The following MXI1 variants were observed in gnomAD, a reference collection of about 807,000 sequenced individuals.
MXI1 encodes max-interacting protein 1.
In MXI1, 18 loss-of-function variants were observed where a neutral mutation model predicts 36.9. That is an observed-to-expected ratio of 0.49 (90% CI 0.34 to 0.72). The LOEUF is 0.72. MXI1 is among the 30% of genes least tolerant of loss of function. The pLI is 0.01. For synonymous variants in MXI1, 160 were observed against 146.7 expected (o/e 1.09, Z -0.65); for missense variants, 304 against 379.1 (o/e 0.80, Z 1.64).
intron 1 of MXI1, among the ~76,000 whole-genome samples, chr10:110,214,073 A>G (rs1438080468): frequency 6.6e-6 from 1 of 152,226 alleles, no homozygotes. Flanking sequence ...CAAAGGATAT[A>G]TAGCTAGTAA....
At chr10:110,282,567 A>T (rs1471621679) in intron 5 of MXI1, among the ~76,000 whole-genome samples, 1 of 152,182 alleles carries the variant, frequency 6.6e-6, no homozygotes, top group Non-Finnish European at 1.5e-5. Flanking sequence ...TTTAGGTTTT[A>T]GCTGTCCTTC....
In MXI1 at chr10:110,280,003, G is replaced by A; in HGVS notation, c.642G>A (p.Leu214=). 1 of 1,613,408 alleles carries A rather than the reference G, an allele frequency of 6.2e-7. No homozygotes were observed. The highest frequency in any genetic ancestry group is 2.2e-5 in the East Asian group (1 of 44,868). The change falls in exon 5 of 6, where the codon CTG becomes CTA. Residue 214 remains leucine (L), a synonymous_variant. Coordinates refer to ENST00000332674, the MANE Select transcript of MXI1 (RefSeq NM_130439.3). ...TTTTAAAGTGGCGACTGGAACAGCT[G>A]CAGGGTCCTCAGGAGATGGAACGAA... ...QRFLKWRLEQ[L]QGPQEMERIR...
intron 1 of MXI1, among the ~76,000 whole-genome samples, chr10:110,208,747 C>CCA (rs1854427999): frequency 6.7e-6 from 1 of 148,608 alleles, no homozygotes; most frequent in African/African-American, 2.5e-5. Context: ...GCCGCCCCCC[C>CCA]CCCCCCAAAG....
At chr10:110,253,326 G>A (rs1439023872) in intron 3 of MXI1, among the ~76,000 whole-genome samples, 1 of 151,830 alleles carries the variant, frequency 6.6e-6, no homozygotes, top group Non-Finnish European at 1.5e-5. Context: ...GATGGTTTTG[G>A]TCTGCCTTAT....
intron 1 of MXI1, among the ~76,000 whole-genome samples, chr10:110,222,032 G>C (rs1854825204): frequency 1.3e-5 from 2 of 152,184 alleles, no homozygotes; most frequent in Admixed American, 6.5e-5. Context: ...GACTTGAGGA[G>C]AGCTTACGCA....
chr10:110,256,251 T>C (rs2134418346), intron 3 of MXI1, among the ~76,000 whole-genome samples: 1 of 152,020 alleles, frequency 6.6e-6, no homozygotes, highest in South Asian at 2.1e-4. Flanking sequence ...TAGGCATTGG[T>C]TTTTTACATA....
chr10:110,228,889 C>G (rs1279423154), intron 2 of MXI1, among the ~76,000 whole-genome samples: 1 of 152,126 alleles, frequency 6.6e-6, no homozygotes. Flanking sequence ...GTTTATCTTT[C>G]AAGCAGAATA....
chr10:110,207,994 G>A lies in MXI1; in HGVS notation c.186G>A (p.Met62Ile). Residue 62 changes from methionine (M) to isoleucine (I), a missense_variant, in exon 1 of 6, where the codon ATG becomes ATA. Around this residue, in one of 2 missense-constraint regions of MXI1, gnomAD observed 179 missense variants for 184.8 expected, o/e 0.97. Transcript: ENST00000332674. ...TTTTCAACACCAGCGAGAACTCGAT[G>A]GAGAAGCACATCAACACTTTTCTGC... is the stretch of plus-strand genomic sequence containing the variant. ...SDIFNTSENS[M>I]EKHINTFLQN... 6.2e-7 allele frequency: 1 copy of A among 1,603,278 alleles called. No homozygotes were observed.
chr10:110,285,529 T>A lies in MXI1; in HGVS notation c.*542T>A, dbSNP rs1857408471. On this transcript the variant is annotated 3_prime_UTR_variant, in exon 6 of 6. Transcript: ENST00000332674. ...GTGGATGATCAATCCTTTATTATTA[T>A]TTTTTTTTTTTGAAAAAAGCTCATT... 1 of 46,040 alleles carries A rather than the reference T, an allele frequency of 2.2e-5. No individual in the cohort carries two copies. Among genetic ancestry groups the A allele is most frequent in the African/African-American group, 4.0e-5 (1 of 25,096 alleles). The allele number at this position is 46,040 out of a possible 1,614,324, so 2.9% of individuals were successfully genotyped here.
intron 1 of MXI1, among the ~76,000 whole-genome samples, chr10:110,212,042 A>G (rs923789728): frequency 6.6e-6 from 1 of 152,250 alleles, no homozygotes; most frequent in Non-Finnish European, 1.5e-5. Flanking sequence ...TGTTATGTGC[A>G]TAAGAGCCGA....
intron 2 of MXI1, among the ~76,000 whole-genome samples, chr10:110,230,341 G>T (rs780033011): frequency 6.6e-6 from 1 of 152,174 alleles, no homozygotes; most frequent in Admixed American, 6.5e-5. Flanking sequence ...GGACCACAGT[G>T]CTAATTACTG....
intron 5 of MXI1, 29 bp downstream of exon 5, chr10:110,280,114 A>AT: frequency 6.5e-7 from 1 of 1,544,606 alleles, no homozygotes; most frequent in Non-Finnish European, 8.7e-7. Context: ...CTCTAATGAA[A>AT]TACTAAACAT....
At chr10:110,250,967 T>C (rs1239224652) in intron 3 of MXI1, among the ~76,000 whole-genome samples, 2 of 126,258 alleles carry the variant, frequency 1.6e-5, no homozygotes, top group East Asian at 2.1e-4. Flanking sequence ...ATTATAACTT[T>C]GGCAAAGCTA....
chr10:110,255,672 A>G (rs1206843208), intron 3 of MXI1, among the ~76,000 whole-genome samples: 1 of 152,332 alleles, frequency 6.6e-6, no homozygotes, highest in Admixed American at 6.5e-5. Context: ...ATTAAGGAAG[A>G]CCTAAATAGA....
chr10:110,245,001 T>C, intron 3 of MXI1, 144 bp downstream of exon 3: 1 of 735,796 alleles, frequency 1.4e-6, no homozygotes, highest in Non-Finnish European at 2.1e-6. Context: ...TATATATGTA[T>C]TTTCTCCAAA....
At position 110,258,398 on chromosome 10, in the gene MXI1, A is replaced by T. The variant is rs145087689; in HGVS notation, c.437+13541A>T. Among the ~76,000 whole-genome samples, 568 of 152,186 alleles carry T rather than the reference A, an allele frequency of 3.7e-3. 4 individuals are homozygous for T. The highest frequency in any genetic ancestry group is 0.013 in the African/African-American group (538 of 41,508). ...ACTTATGTCTTGGAAAGTAGGGGCC[A>T]CTCATTTAATTGAATTTTCTTATGA... On this transcript the variant is annotated intron_variant, in intron 3 of 5. Coordinates refer to ENST00000332674, the MANE Select transcript of MXI1 (RefSeq NM_130439.3).
intron 5 of MXI1, among the ~76,000 whole-genome samples, chr10:110,283,967 T>C (rs1857353187): frequency 6.6e-6 from 1 of 151,432 alleles, no homozygotes; most frequent in Non-Finnish European, 1.5e-5. Flanking sequence ...TTGTTGTGTT[T>C]TTTTTGGTAG....
At chr10:110,274,900 A>C (rs1195330482) in intron 3 of MXI1, among the ~76,000 whole-genome samples, 1 of 101,686 alleles carries the variant, frequency 9.8e-6, no homozygotes, top group African/African-American at 4.2e-5. Context: ...TTTTTGGTGG[A>C]GTCTCACACT....
intron 5 of MXI1, among the ~76,000 whole-genome samples, chr10:110,284,423 C>T (rs1394392329): frequency 1.3e-5 from 2 of 152,150 alleles, no homozygotes; most frequent in Admixed American, 1.3e-4. Context: ...AGTTTATGCT[C>T]CTGCCCACCC....
Sources: allele counts gnomAD v4.1 joint callset (sites outside exome capture counted in the v4.1 genomes callset), GRCh38; gene constraint gnomAD v4.1.1; regional missense constraint gnomAD v4.1.1; transcripts MANE v1.5; gene names NCBI Gene and HGNC (gene_info 2026-07-23, HGNC 2026-07-21).